The following SHISA5 variants were observed in gnomAD, a reference collection of about 807,000 sequenced individuals.
The protein encoded by SHISA5 is shisa family member 5.
A neutral mutation model predicts 27.5 loss-of-function variants in SHISA5; 21 were observed. That is an observed-to-expected ratio of 0.76 (90% CI 0.54 to 1.10). The LOEUF is 1.10. SHISA5 is among the 50% of genes least tolerant of loss of function. The pLI is 0.00. For synonymous variants in SHISA5, 137 were observed against 142.2 expected (o/e 0.96, Z 0.26); for missense variants, 314 against 336.3 (o/e 0.93, Z 0.52).
In SHISA5 at chr3:48,468,263, AAAATG is replaced by A. The variant is rs1389146961; in HGVS notation, c.*839_*843del. 1 of 1,000,180 alleles carries A rather than the reference AAAATG, an allele frequency of 1.0e-6. No homozygotes were observed. Among genetic ancestry groups the A allele is most frequent in the African/African-American group, 1.7e-5 (1 of 57,366 alleles). 62.0% of individuals were successfully genotyped at this position (1,000,180 alleles called of 1,614,324 possible). A position where few individuals can be genotyped will look rare whatever the true frequency, so the allele number is the denominator to read the frequency against. ...AACAGGCAAAATGTTTGGCTAAAAT[AAAATG>A]AAAACACTGCAGGGAAGAGAACTGA... is the stretch of plus-strand genomic sequence containing the variant. On this transcript the variant is annotated 3_prime_UTR_variant, in exon 6 of 6. Transcript: ENST00000296444.
chr3:48,493,864 T>C (rs996037607), intron 2 of SHISA5, among the ~76,000 whole-genome samples: 4 of 147,544 alleles, frequency 2.7e-5, no homozygotes, highest in South Asian at 4.2e-4. Context: ...AAATTGTATA[T>C]ATTTATAGCG....
chr3:48,487,843 C>G (rs913471128), intron 2 of SHISA5, among the ~76,000 whole-genome samples: 2 of 152,158 alleles, frequency 1.3e-5, no homozygotes, highest in Admixed American at 6.5e-5. Flanking sequence ...TTGCAGTGAG[C>G]CAAGATCATG....
intron 1 of SHISA5, 115 bp downstream of exon 1, chr3:48,503,904 A>T (rs1433430249): frequency 7.6e-7 from 1 of 1,321,754 alleles, no homozygotes; most frequent in Admixed American, 3.7e-5. Context: ...CGGGGCAATC[A>T]GGGGTCAGTG....
At chr3:48,478,650 C>T (rs934847192) in intron 3 of SHISA5, among the ~76,000 whole-genome samples, 1 of 152,086 alleles carries the variant, frequency 6.6e-6, no homozygotes, top group African/African-American at 2.4e-5. Flanking sequence ...GAGGAGAGTC[C>T]TGACACAGTA....
At chr3:48,487,437 T>C (rs1017055798) in intron 2 of SHISA5, among the ~76,000 whole-genome samples, 2 of 152,218 alleles carry the variant, frequency 1.3e-5, no homozygotes, top group Non-Finnish European at 2.9e-5. Context: ...ACAGTTTGTA[T>C]GTTTTACAGT....
intron 1 of SHISA5, among the ~76,000 whole-genome samples, chr3:48,501,823 C>T (rs2041762290): frequency 6.6e-6 from 1 of 152,012 alleles, no homozygotes; most frequent in African/African-American, 2.4e-5. Flanking sequence ...CAGCTCAACA[C>T]CTGCAGGGGA....
At chr3:48,486,427 A>AT (rs368419492) in intron 2 of SHISA5, among the ~76,000 whole-genome samples, 1 of 99,876 alleles carries the variant, frequency 1.0e-5, no homozygotes, top group East Asian at 2.5e-4. Flanking sequence ...TATATTATAT[A>AT]TTTTATATAT....
chr3:48,479,828 T>A (rs2040944089), intron 2 of SHISA5, among the ~76,000 whole-genome samples: 1 of 152,122 alleles, frequency 6.6e-6, no homozygotes. Flanking sequence ...CCTGACCTCG[T>A]GATCTGCCCG....
At chr3:48,503,879 G>C in intron 1 of SHISA5, 140 bp downstream of exon 1, 1 of 1,312,232 alleles carries the variant, frequency 7.6e-7, no homozygotes, top group Non-Finnish European at 9.7e-7. Context: ...AGTCGTGGGG[G>C]TTCGCTGACG....
Position 48,469,781 on chromosome 3 carries a change from A to G in SHISA5, c.377T>C (p.Ile126Thr), listed in dbSNP as rs1199346447. 1 of 1,614,122 alleles carries G rather than the reference A, an allele frequency of 6.2e-7. No homozygotes were observed. Reference sequence around the variant, plus strand: ...GCAGCAGCAGGAGCAGGTGAAGCAGATGATGATAGTGACGACAGACAGCAC... The same window carrying G: ...GCAGCAGCAGGAGCAGGTGAAGCAGGTGATGATAGTGACGACAGACAGCAC... ...IFVLSVVTIIICFTCSCCCLY... is the reference protein window; with the variant it reads ...IFVLSVVTIITCFTCSCCCLY... The change falls in exon 4 of 6, where the codon ATC becomes ACC. Residue 126 changes from isoleucine (I) to threonine (T), a missense_variant. By Grantham distance (89) the Ile-to-Thr change is moderately conservative. Transcript: ENST00000296444. The surrounding 1 kb of genome is among the most constrained non-coding windows in gnomAD (Gnocchi z 4.6).
chr3:48,494,156 C>G lies in SHISA5; in HGVS notation c.233+6981G>C, dbSNP rs1005000127. Among the ~76,000 whole-genome samples, 2 of 147,322 alleles carry G rather than the reference C, an allele frequency of 1.4e-5. 1 individual carries two copies. The highest frequency in any genetic ancestry group is 5.4e-5 in the African/African-American group (2 of 37,166). ...AGTCTCCGGTTACCACCATTTTATTCTGTTTCTATGAGTTTGACTTTGACA... is the reference window on the plus strand; with the variant it reads ...AGTCTCCGGTTACCACCATTTTATTGTGTTTCTATGAGTTTGACTTTGACA... On this transcript the variant is annotated intron_variant, in intron 2 of 5. Coordinates refer to ENST00000296444, the MANE Select transcript of SHISA5 (RefSeq NM_016479.6).
At chr3:48,485,623 ATAGAT>A (rs1366696266) in intron 2 of SHISA5, among the ~76,000 whole-genome samples, 4 of 144,872 alleles carry the variant, frequency 2.8e-5, no homozygotes, top group Non-Finnish European at 6.0e-5. Flanking sequence ...TATATAATAT[ATAGAT>A]ATTATATATA....
rs571588814 is a variant in SHISA5 at position 48,480,049 on chromosome 3, G to A, written c.234-792C>T. 5.3e-5 allele frequency among the ~76,000 whole-genome samples: 8 copies of A among 151,768 alleles called. No homozygotes were observed. The South Asian group carries it at 1.2e-3, about 24-fold the overall frequency. ...CTCCCGAGTAGCTGGGTCTACAGGC[G>A]CCCACAACTACGCCCGGCTAATTTT... On this transcript the variant is annotated intron_variant, in intron 2 of 5. Coordinates refer to ENST00000296444, the MANE Select transcript of SHISA5 (RefSeq NM_016479.6).
Position 48,473,643 on chromosome 3 carries a change from C to T in SHISA5, c.315-3800G>A. The T allele has an allele frequency of 2.6e-6, 3 of 1,174,954 alleles. No homozygotes were observed. In the South Asian group the frequency reaches 4.7e-5, roughly 19 times the overall value. 72.8% of individuals were successfully genotyped at this position (1,174,954 alleles called of 1,614,324 possible). A position where few individuals can be genotyped will look rare whatever the true frequency, so the allele number is the denominator to read the frequency against. On this transcript the variant is annotated intron_variant, in intron 3 of 5. Transcript: ENST00000296444. The surrounding 1 kb of genome is among the most constrained non-coding windows in gnomAD (Gnocchi z 4.3). Reference sequence around the variant, plus strand: ...CACCATGCAAGGTCCATCATGTCACCACCTGCTCAAACGCCAGCTATGGCT... The same window carrying T: ...CACCATGCAAGGTCCATCATGTCACTACCTGCTCAAACGCCAGCTATGGCT...
In SHISA5 at chr3:48,467,997, T is replaced by C. The variant is rs1575295735; in HGVS notation, c.*1110A>G. ...AGGGAGGAGGAACACGAGGTATTCA[T>C]GTCTGGGCCAGAGCTGCCATCCAGG... On this transcript the variant is annotated 3_prime_UTR_variant, in exon 6 of 6. Transcript: ENST00000296444. 2 of 283,008 alleles carry C rather than the reference T, an allele frequency of 7.1e-6. No individual in the cohort carries two copies. The highest frequency in any genetic ancestry group is 2.1e-4 in the East Asian group (2 of 9,488). The allele number at this position is 283,008 out of a possible 1,614,324, so 17.5% of individuals were successfully genotyped here.
chr3:48,479,089 TC>T, intron 3 of SHISA5, 87 bp downstream of exon 3: 2 of 1,229,022 alleles, frequency 1.6e-6, no homozygotes, highest in Non-Finnish European at 1.2e-6. Flanking sequence ...GACCGAATCA[TC>T]CCAGTCCCCC....
chr3:48,503,419 A>G (rs913579001), intron 1 of SHISA5, among the ~76,000 whole-genome samples: 4 of 152,126 alleles, frequency 2.6e-5, no homozygotes, highest in Admixed American at 6.5e-5. Flanking sequence ...ACCCACCCCA[A>G]AAGGGTCTTT....
At chr3:48,489,957 A>G (rs1037054913) in intron 2 of SHISA5, among the ~76,000 whole-genome samples, 1 of 152,146 alleles carries the variant, frequency 6.6e-6, no homozygotes, top group African/African-American at 2.4e-5. Context: ...CAGTGTTCTT[A>G]AAGACAAGAA....
chr3:48,502,685 A>G (rs2041792167), intron 1 of SHISA5: 2 of 325,022 alleles, frequency 6.2e-6, no homozygotes, highest in Non-Finnish European at 6.1e-6. Context: ...AGGAAGGAAC[A>G]GTACCGGATT....
Sources: allele counts gnomAD v4.1 joint callset (sites outside exome capture counted in the v4.1 genomes callset), GRCh38; gene constraint gnomAD v4.1.1; non-coding constraint Gnocchi (gnomAD v3.1); transcripts MANE v1.5; gene names NCBI Gene and HGNC (gene_info 2026-07-23, HGNC 2026-07-21).